TESK2: variants seen among roughly 807,000 people sequenced by gnomAD.
TESK2 encodes the protein dual specificity testis-specific protein kinase 2.
In TESK2, 39 loss-of-function variants were observed where a neutral mutation model predicts 57.1. The observed-to-expected ratio is 0.68, with a 90% CI of 0.53 to 0.89. The LOEUF is 0.89. Among genes scored for constraint, TESK2 ranks in the 40% least tolerant of loss-of-function variants. TESK2 has a pLI of 0.00. For missense variants in TESK2, 646 were observed against 732.1 expected (o/e 0.88, Z 1.36); for synonymous variants, 249 against 267.9 (o/e 0.93, Z 0.69).
intron 4 of TESK2, among the ~76,000 whole-genome samples, chr1:45,372,017 G>A (rs1275311123): frequency 6.6e-6 from 1 of 152,074 alleles, no homozygotes; most frequent in Non-Finnish European, 1.5e-5. Flanking sequence ...TTTAGAACAA[G>A]GTGAGAGGAT....
chr1:45,432,450 T>G (rs576102310), intron 2 of TESK2, among the ~76,000 whole-genome samples: 49 of 151,560 alleles, frequency 3.2e-4, no homozygotes, highest in African/African-American at 9.9e-4. Context: ...CCAGCACTTT[T>G]GGAGGCCGAG....
At chr1:45,351,846 C>T (rs540275107) in intron 5 of TESK2, among the ~76,000 whole-genome samples, 2 of 152,074 alleles carry the variant, frequency 1.3e-5, no homozygotes, top group East Asian at 3.9e-4. Flanking sequence ...TTTATACTCT[C>T]ATAGGCTCTG....
chr1:45,459,004 T>A (rs1455258676), intron 1 of TESK2, among the ~76,000 whole-genome samples: 1 of 152,186 alleles, frequency 6.6e-6, no homozygotes, highest in East Asian at 1.9e-4. Context: ...CCTACTCAGT[T>A]TACCACCACC....
At chr1:45,409,151 T>C (rs1276113176) in intron 3 of TESK2, among the ~76,000 whole-genome samples, 1 of 152,162 alleles carries the variant, frequency 6.6e-6, no homozygotes, top group African/African-American at 2.4e-5. Flanking sequence ...AAAGATAAAC[T>C]TCTACCCTCA....
intron 3 of TESK2, among the ~76,000 whole-genome samples, chr1:45,418,592 A>G (rs1183399328): frequency 2.0e-5 from 3 of 152,220 alleles, no homozygotes; most frequent in African/African-American, 7.2e-5. Flanking sequence ...ACTTTGGCCC[A>G]TACATAATCT....
intron 5 of TESK2, among the ~76,000 whole-genome samples, chr1:45,353,202 C>T (rs1647283099): frequency 6.6e-6 from 1 of 152,164 alleles, no homozygotes; most frequent in South Asian, 2.1e-4. Context: ...CCGGCCTGCA[C>T]TTTTCTTAGT....
intron 3 of TESK2, among the ~76,000 whole-genome samples, chr1:45,403,369 C>T (rs1480514624): frequency 6.6e-6 from 1 of 152,028 alleles, no homozygotes; most frequent in African/African-American, 2.4e-5. Flanking sequence ...CGGGTAAGTG[C>T]AGTTCAAACA....
intron 2 of TESK2, among the ~76,000 whole-genome samples, chr1:45,449,419 A>G (rs1651785413): frequency 6.6e-6 from 1 of 152,160 alleles, no homozygotes. Flanking sequence ...AGCTTTATTC[A>G]TAATTGTCAA....
chr1:45,386,155 G>A (rs1648884460), intron 3 of TESK2, among the ~76,000 whole-genome samples, 195 bp from the exon 4 acceptor site: 1 of 151,942 alleles, frequency 6.6e-6, no homozygotes, highest in South Asian at 2.1e-4. Context: ...GACCATCCTG[G>A]CCAACATGGT....
chr1:45,442,618 G>A (rs893734009), intron 2 of TESK2, among the ~76,000 whole-genome samples: 1 of 152,038 alleles, frequency 6.6e-6, no homozygotes, highest in Non-Finnish European at 1.5e-5. Flanking sequence ...ACAGGTTGTC[G>A]GCCACTGCTA....
In TESK2 at chr1:45,344,020, G is replaced by A; in HGVS notation, c.*820C>T. 1 of 276,940 alleles carries A rather than the reference G, an allele frequency of 3.6e-6. No individual in the cohort carries two copies. Among genetic ancestry groups the A allele is most frequent in the South Asian group, 5.1e-5 (1 of 19,616 alleles). The allele number at this position is 276,940 out of a possible 1,614,324, so 17.2% of individuals were successfully genotyped here. ...TTATTTCTTATTGCAGCTCTGTAAGGACAGACTGTTCCCAAAGCTCCAGCC... is the reference window on the plus strand; with the variant it reads ...TTATTTCTTATTGCAGCTCTGTAAGAACAGACTGTTCCCAAAGCTCCAGCC... On this transcript the variant is annotated 3_prime_UTR_variant, in exon 11 of 11. Transcript: ENST00000372086.
chr1:45,443,018 G>A (rs1184553880), intron 2 of TESK2, among the ~76,000 whole-genome samples: 1 of 152,134 alleles, frequency 6.6e-6, no homozygotes. Flanking sequence ...ACTCCTGAGC[G>A]CAGGTGATCT....
At chr1:45,355,090 CGTT>C (rs1035490751) in intron 5 of TESK2, among the ~76,000 whole-genome samples, 9 of 151,588 alleles carry the variant, frequency 5.9e-5, no homozygotes, top group African/African-American at 2.2e-4. Flanking sequence ...GCACGAGAGT[CGTT>C]GAACCCAGGA....
At chr1:45,386,443 G>A (rs1411018961) in intron 3 of TESK2, among the ~76,000 whole-genome samples, 1 of 149,686 alleles carries the variant, frequency 6.7e-6, no homozygotes, top group Non-Finnish European at 1.5e-5. Context: ...AAGAGAAAGG[G>A]AAAGGGAAAG....
At chr1:45,376,696 A>T (rs1351133665) in intron 4 of TESK2, among the ~76,000 whole-genome samples, 1 of 152,152 alleles carries the variant, frequency 6.6e-6, no homozygotes, top group Admixed American at 6.5e-5. Context: ...AGAACCTGGG[A>T]TTTGACACAG....
intron 1 of TESK2, among the ~76,000 whole-genome samples, chr1:45,465,534 G>A (rs1652517365): frequency 6.7e-6 from 1 of 148,392 alleles, no homozygotes; most frequent in Admixed American, 6.6e-5. Flanking sequence ...AAGAGAAAAA[G>A]AAAGAAAGAA....
chr1:45,419,164 G>A (rs1439350879), intron 3 of TESK2, among the ~76,000 whole-genome samples: 1 of 151,928 alleles, frequency 6.6e-6, no homozygotes. Flanking sequence ...TTTTAGTAGA[G>A]ACGGGGTTTC....
rs373326688 is a variant in TESK2, at chr1:45,457,540, G to C, written c.222+24C>G. ...AAATGTGACCACAGCAAGACAATAT[G>C]AGAAAAGCTGAAGACTCACTCACCT... On this transcript the variant is annotated intron_variant, in intron 2 of 10. Transcript: ENST00000372086. 54 of 1,602,206 alleles carry C rather than the reference G, an allele frequency of 3.4e-5. No individual in the cohort carries two copies. In the African/African-American group the frequency reaches 6.8e-4, roughly 20 times the overall value.
intron 4 of TESK2, among the ~76,000 whole-genome samples, chr1:45,363,724 T>C (rs1647790875): frequency 7.0e-6 from 1 of 143,356 alleles, no homozygotes; most frequent in Non-Finnish European, 1.6e-5. Context: ...GTAATTATTC[T>C]TTTTTTTTTT....
Sources: gnomAD v4.1 joint callset for allele counts (sites outside exome capture counted in the v4.1 genomes callset) on GRCh38, gnomAD v4.1.1 for gene constraint, MANE v1.5 for transcripts, NCBI Gene and HGNC (gene_info 2026-07-23, HGNC 2026-07-21) for gene names.